Variants in FBXW4 observed in about 807,000 individuals in gnomAD.
The protein encoded by FBXW4 is F-box and WD repeat domain containing 4.
FBXW4 carries 40 observed loss-of-function variants against 61.8 expected under a neutral mutation model. That is an observed-to-expected ratio of 0.65 (90% CI 0.50 to 0.84). The LOEUF is 0.84. FBXW4 is among the 40% of genes least tolerant of loss of function. The probability of loss-of-function intolerance (pLI) is 0.00; values close to 1 mark genes in which losing one functional copy is unlikely to be tolerated. For missense variants in FBXW4, 672 were observed against 753.8 expected (o/e 0.89, Z 1.27); for synonymous variants, 311 against 313.8 (o/e 0.99, Z 0.10).
chr10:101,652,160 G>A (rs2064150931), intron 5 of FBXW4, among the ~76,000 whole-genome samples: 1 of 151,512 alleles, frequency 6.6e-6, no homozygotes, highest in African/African-American at 2.4e-5. Context: ...CAAATGACAA[G>A]CCCTGTGGAA....
chr10:101,612,769 A>G (rs1386209832), intron 6 of FBXW4, among the ~76,000 whole-genome samples: 1 of 151,700 alleles, frequency 6.6e-6, no homozygotes, highest in Non-Finnish European at 1.5e-5. Flanking sequence ...CCTCAGGACA[A>G]TGAATGGGGG....
At chr10:101,686,084 G>C (rs2064530639) in intron 1 of FBXW4, among the ~76,000 whole-genome samples, 1 of 151,436 alleles carries the variant, frequency 6.6e-6, no homozygotes, top group Non-Finnish European at 1.5e-5. Context: ...GCATAACCCT[G>C]GGTCCTTTAT....
At chr10:101,669,463 T>C (rs978401722) in intron 4 of FBXW4, among the ~76,000 whole-genome samples, 4 of 152,228 alleles carry the variant, frequency 2.6e-5, no homozygotes, top group African/African-American at 9.6e-5. Context: ...GGCCTAGGCC[T>C]GAATTCACTA....
At chr10:101,682,113 T>A (rs1023623223) in intron 1 of FBXW4, among the ~76,000 whole-genome samples, 1 of 152,246 alleles carries the variant, frequency 6.6e-6, no homozygotes, top group African/African-American at 2.4e-5. Flanking sequence ...GTATAGGTAG[T>A]AGATAATATC....
At chr10:101,619,703 C>T (rs1311657809) in intron 6 of FBXW4, among the ~76,000 whole-genome samples, 1 of 151,932 alleles carries the variant, frequency 6.6e-6, no homozygotes, top group Non-Finnish European at 1.5e-5. Context: ...GACAGCCAAG[C>T]TCCTTGCCAT....
rs2064649561 is a variant in FBXW4 at position 101,694,411 on chromosome 10, T to A, written c.695A>T (p.Asn232Ile). 2.0e-6 allele frequency: 3 copies of A among 1,502,760 alleles called. No homozygotes were observed. Among genetic ancestry groups the A allele is most frequent in the Non-Finnish European group, 1.8e-6 (2 of 1,138,230 alleles). 93.1% of individuals were successfully genotyped at this position (1,502,760 alleles called of 1,614,324 possible). The change falls in exon 1 of 9, where the codon AAC (asparagine) becomes ATC (isoleucine). Residue 232 changes from asparagine to isoleucine, a missense_variant. By Grantham distance (149) the Asn-to-Ile change is moderately radical. Coordinates refer to ENST00000331272, the MANE Select transcript of FBXW4 (RefSeq NM_022039.4). The surrounding 1 kb of genome is among the most constrained non-coding windows in gnomAD (Gnocchi z 6.0). ...LWRRIARASL[N>I]SGFTRLGTDL... The stretch of plus-strand genomic sequence containing the variant: ...GGTGCCGAGCCGCGTGAAGCCGGAG[T>A]TGAGCGAGGCCCGGGCTATCCGGCG...
intron 1 of FBXW4, 24 bp from the exon 2 acceptor site, chr10:101,676,460 T>A (rs1214043913): frequency 6.3e-7 from 1 of 1,586,860 alleles, no homozygotes; most frequent in African/African-American, 1.3e-5. Context: ...GAACAGATAA[T>A]CCAATCACTA....
intron 5 of FBXW4, among the ~76,000 whole-genome samples, chr10:101,652,452 T>G (rs2064152785): frequency 2.0e-5 from 3 of 152,058 alleles, no homozygotes; most frequent in Admixed American, 2.0e-4. Context: ...CTAGCTCAGT[T>G]GCTGACCCTC....
At chr10:101,693,898 G>A (rs1296573042) in intron 1 of FBXW4, among the ~76,000 whole-genome samples, 1 of 152,080 alleles carries the variant, frequency 6.6e-6, no homozygotes, top group Non-Finnish European at 1.5e-5. Context: ...CTTAAGGTCC[G>A]AGCCCTGAAG....
At chr10:101,688,577 T>C (rs1050427008) in intron 1 of FBXW4, among the ~76,000 whole-genome samples, 5 of 152,258 alleles carry the variant, frequency 3.3e-5, no homozygotes, top group African/African-American at 9.6e-5. Flanking sequence ...AATATTTACA[T>C]GATTCAGGGT....
chr10:101,694,890 C>A lies in FBXW4; in HGVS notation c.216G>T (p.Gly72=). Residue 72 remains glycine, a synonymous_variant, in exon 1 of 9, where the codon GGG becomes GGT. Transcript: ENST00000331272. This position sits in a 1 kb window ranked among gnomAD's most constrained non-coding sequence, Gnocchi z 6.0. Reference sequence around the variant, plus strand: ...GGCATGCCCTCGCTCCCGCGTCAGCCCCCGGCCCGGCTGCCTCCTTCGCCG... The same window carrying A: ...GGCATGCCCTCGCTCCCGCGTCAGCACCCGGCCCGGCTGCCTCCTTCGCCG... ...PQTAKEAAGP[G]ADAGARACPR... The A allele has an allele frequency of 8.0e-7, 1 of 1,242,772 alleles. No individual in the cohort carries two copies. The highest frequency in any genetic ancestry group is 3.6e-5 in the South Asian group (1 of 27,678). The allele number at this position is 1,242,772 out of a possible 1,614,324, so 77.0% of individuals were successfully genotyped here. A position where few individuals can be genotyped will look rare whatever the true frequency, so the allele number is the denominator to read the frequency against.
intron 5 of FBXW4, among the ~76,000 whole-genome samples, chr10:101,635,856 A>AG (rs1444960986): frequency 2.4e-4 from 37 of 151,132 alleles, no homozygotes; most frequent in Non-Finnish European, 5.3e-4. Context: ...AAAAAAAAAA[A>AG]AGAGAGATGG....
intron 1 of FBXW4, among the ~76,000 whole-genome samples, chr10:101,690,012 A>G (rs547145643): frequency 6.6e-6 from 1 of 152,376 alleles, no homozygotes; most frequent in South Asian, 2.1e-4. Flanking sequence ...GGCTATTTAA[A>G]ATAAAATTCC....
intron 5 of FBXW4, 135 bp downstream of exon 5, chr10:101,667,751 G>C: frequency 1.4e-6 from 1 of 735,130 alleles, no homozygotes; most frequent in South Asian, 1.7e-5. Context: ...ATCTCTGGAG[G>C]ATTAAAAAAT....
At chr10:101,632,954 A>G (rs891081784) in intron 5 of FBXW4, among the ~76,000 whole-genome samples, 2 of 152,162 alleles carry the variant, frequency 1.3e-5, no homozygotes, top group East Asian at 1.9e-4. Context: ...CAACCAAAAA[A>G]CTATCACAAT....
chr10:101,625,531 A>T (rs1425931260), intron 5 of FBXW4: 1 of 152,302 alleles, frequency 6.6e-6, no homozygotes, highest in Non-Finnish European at 1.5e-5. Context: ...CCTGTTGCCC[A>T]GAGTGTCCCT....
chr10:101,611,512 T>G lies in FBXW4; in HGVS notation c.1585-102A>C. ...CCCAGGGGAAGAGGGACGTGTGCCATTGTAGGCTTCTTCCAACCCTTTCTA... is the reference window on the plus strand; with the variant it reads ...CCCAGGGGAAGAGGGACGTGTGCCAGTGTAGGCTTCTTCCAACCCTTTCTA... On this transcript the variant is annotated intron_variant, in intron 8 of 8. Transcript: ENST00000331272. This position sits in a 1 kb window ranked among gnomAD's most constrained non-coding sequence, Gnocchi z 4.9. 1.3e-6 allele frequency: 2 copies of G among 1,571,130 alleles called. No homozygotes were observed. The highest frequency in any genetic ancestry group is 1.7e-6 in the Non-Finnish European group (2 of 1,155,250).
intron 5 of FBXW4, among the ~76,000 whole-genome samples, chr10:101,662,783 C>T (rs1164851431): frequency 2.0e-5 from 3 of 152,186 alleles, no homozygotes; most frequent in African/African-American, 4.8e-5. Flanking sequence ...TCTGTAGATT[C>T]ACTTCACCAC....
At chr10:101,686,895 G>A (rs2134917995) in intron 1 of FBXW4, among the ~76,000 whole-genome samples, 1 of 151,942 alleles carries the variant, frequency 6.6e-6, no homozygotes, top group African/African-American at 2.4e-5. Context: ...ACTTCTGGAG[G>A]GGACAAACAC....
Sources: gnomAD v4.1 joint callset for allele counts (sites outside exome capture counted in the v4.1 genomes callset) on GRCh38, gnomAD v4.1.1 for gene constraint, Gnocchi (gnomAD v3.1) non-coding constraint, MANE v1.5 for transcripts, NCBI Gene and HGNC (gene_info 2026-07-23, HGNC 2026-07-21) for gene names.